CSMD1: variants seen among roughly 807,000 people sequenced by gnomAD.
CSMD1 encodes the protein CUB and sushi domain-containing protein 1.
A neutral mutation model predicts 417.5 loss-of-function variants in CSMD1; 213 were observed. The observed-to-expected ratio is 0.51, with a 90% CI of 0.46 to 0.57. The LOEUF is 0.57. Among genes scored for constraint, CSMD1 ranks in the 20% least tolerant of loss-of-function variants. The pLI is 0.00. For missense variants in CSMD1, 6,923 were observed against 4,529.7 expected, an observed-to-expected ratio of 1.53 and a Z score of -15.17; for synonymous variants, 2,862 against 1,736.8, an observed-to-expected ratio of 1.65 and a Z score of -16.11.
At chr8:3,816,268 A>G (rs971804372) in intron 5 of CSMD1, among the ~76,000 whole-genome samples, 2 of 152,164 alleles carry the variant, frequency 1.3e-5, no homozygotes. Context: ...TTTTCTCCAC[A>G]TTAAACTAGC....
chr8:4,047,126 G>T (rs1322137843), intron 3 of CSMD1, among the ~76,000 whole-genome samples: 1 of 152,252 alleles, frequency 6.6e-6, no homozygotes, highest in South Asian at 2.1e-4. Flanking sequence ...GGAAGCTGTG[G>T]AAGAAGCAGA....
At chr8:4,831,044 C>T (rs535835359) in intron 1 of CSMD1, among the ~76,000 whole-genome samples, 20 of 152,254 alleles carry the variant, frequency 1.3e-4, no homozygotes, top group African/African-American at 4.6e-4. Context: ...ATGATCTACC[C>T]TTTACTTCAA....
intron 3 of CSMD1, among the ~76,000 whole-genome samples, chr8:4,384,727 A>G (rs568590554): frequency 3.3e-5 from 5 of 152,296 alleles, no homozygotes; most frequent in East Asian, 1.9e-4. Context: ...CACACACTCT[A>G]TGGAGCAATG....
At chr8:3,892,078 G>A (rs949187385) in intron 5 of CSMD1, among the ~76,000 whole-genome samples, 1 of 152,112 alleles carries the variant, frequency 6.6e-6, no homozygotes, top group Non-Finnish European at 1.5e-5. Flanking sequence ...CATTGTGTGT[G>A]TGCTTTTCAA....
chr8:3,636,629 T>C (rs11987743), intron 7 of CSMD1, among the ~76,000 whole-genome samples: 87,412 of 152,032 alleles, frequency 0.57, 25,235 homozygotes, highest in Middle Eastern at 0.72. Flanking sequence ...TCTCCCACCC[T>C]ACAAAACAAA....
In CSMD1 at chr8:4,220,959, G is replaced by A. The variant is rs577028340; in HGVS notation, c.416-188860C>T. On this transcript the variant is annotated intron_variant, in intron 3 of 69. Transcript: ENST00000635120. Reference sequence around the variant, plus strand: ...CAGTTCACACCACACGGTTGAGTGCGCAGGCGCCCAGAGGAGCCCTTGGGG... The same window carrying A: ...CAGTTCACACCACACGGTTGAGTGCACAGGCGCCCAGAGGAGCCCTTGGGG... Among the ~76,000 whole-genome samples the A allele has an allele frequency of 4.3e-4, 66 of 152,298 alleles. No individual in the cohort carries two copies. The South Asian group carries it at 0.012, about 28-fold the overall frequency.
At chr8:3,430,858 G>T (rs1814175354) in intron 12 of CSMD1, among the ~76,000 whole-genome samples, 1 of 152,036 alleles carries the variant, frequency 6.6e-6, no homozygotes, top group South Asian at 2.1e-4. Flanking sequence ...ATATAAGATA[G>T]GTTCTATTGT....
At chr8:3,937,351 A>C (rs551949215) in intron 5 of CSMD1, among the ~76,000 whole-genome samples, 1 of 152,150 alleles carries the variant, frequency 6.6e-6, no homozygotes, top group African/African-American at 2.4e-5. Context: ...ATATTTCATT[A>C]AAGGAGGAAT....
intron 5 of CSMD1, among the ~76,000 whole-genome samples, chr8:3,867,847 T>C (rs769638164): frequency 1.3e-5 from 2 of 152,102 alleles, no homozygotes; most frequent in Non-Finnish European, 2.9e-5. Context: ...ATTTCCAGGA[T>C]TGAAGAAGCA....
intron 4 of CSMD1, among the ~76,000 whole-genome samples, chr8:4,029,280 CA>C (rs1263273981): frequency 6.6e-6 from 1 of 152,102 alleles, no homozygotes; most frequent in Non-Finnish European, 1.5e-5. Context: ...GATATAATAA[CA>C]AGTTGCATTA....
intron 1 of CSMD1, among the ~76,000 whole-genome samples, chr8:4,717,467 T>C (rs971360048): frequency 6.6e-6 from 1 of 151,546 alleles, no homozygotes; most frequent in African/African-American, 2.4e-5. Flanking sequence ...TATATATATA[T>C]ATACACACAC....
chr8:3,265,680 CTAATA>C (rs1563202850), intron 26 of CSMD1, among the ~76,000 whole-genome samples: 3 of 152,198 alleles, frequency 2.0e-5, no homozygotes, highest in African/African-American at 7.2e-5. Context: ...GGATTTTATT[CTAATA>C]TAAGTGAGAA....
At position 2,973,408 on chromosome 8, in the gene CSMD1, G is replaced by T. The variant is rs983651776; in HGVS notation, c.8741-109C>A. On this transcript the variant is annotated intron_variant, in intron 56 of 69. Coordinates refer to ENST00000635120, the MANE Select transcript of CSMD1 (RefSeq NM_033225.6). Reference sequence around the variant, plus strand: ...AGTTGTTGAAATTTGTGTTTCACATGAGTTATGGTTACACAACATTCTGCA... The same window carrying T: ...AGTTGTTGAAATTTGTGTTTCACATTAGTTATGGTTACACAACATTCTGCA... 3.7e-6 allele frequency: 4 copies of T among 1,079,682 alleles called. No individual in the cohort carries two copies. The African/African-American group carries it at 4.7e-5, about 13-fold the overall frequency. The allele number at this position is 1,079,682 out of a possible 1,614,324, so 66.9% of individuals were successfully genotyped here.
At chr8:4,056,900 G>A (rs1309114891) in intron 3 of CSMD1, among the ~76,000 whole-genome samples, 3 of 152,180 alleles carry the variant, frequency 2.0e-5, no homozygotes, top group Admixed American at 6.5e-5. Context: ...ATTCCATAGA[G>A]TATATGTGCC....
chr8:3,729,545 T>C (rs1206801064), intron 6 of CSMD1, among the ~76,000 whole-genome samples: 1 of 152,190 alleles, frequency 6.6e-6, no homozygotes, highest in Middle Eastern at 3.2e-3. Context: ...AAGTGGGCCT[T>C]GACAATGTCC....
intron 5 of CSMD1, among the ~76,000 whole-genome samples, chr8:3,955,961 T>C (rs1000029338): frequency 2.0e-5 from 3 of 152,070 alleles, no homozygotes; most frequent in East Asian, 1.9e-4. Context: ...GCCCAACTAA[T>C]TGTTTGTATT....
At chr8:4,422,477 A>G (rs1357129047) in intron 2 of CSMD1, among the ~76,000 whole-genome samples, 1 of 152,106 alleles carries the variant, frequency 6.6e-6, no homozygotes, top group Non-Finnish European at 1.5e-5. Context: ...ATAAGAAAAG[A>G]GAAGGATTCC....
At chr8:3,945,854 G>A (rs543240018) in intron 5 of CSMD1, among the ~76,000 whole-genome samples, 2 of 152,150 alleles carry the variant, frequency 1.3e-5, no homozygotes, top group Non-Finnish European at 2.9e-5. Flanking sequence ...TGATTGTAGT[G>A]AATCATTATT....
intron 3 of CSMD1, among the ~76,000 whole-genome samples, chr8:4,315,916 T>C (rs957434847): frequency 6.6e-6 from 1 of 152,156 alleles, no homozygotes; most frequent in Non-Finnish European, 1.5e-5. Flanking sequence ...TGCACTCAAA[T>C]GTACAAAATG....
Sources: gnomAD v4.1 joint callset for allele counts (sites outside exome capture counted in the v4.1 genomes callset) on GRCh38, gnomAD v4.1.1 for gene constraint, MANE v1.5 for transcripts, NCBI Gene and HGNC (gene_info 2026-07-23, HGNC 2026-07-21) for gene names.